The following OSTM1 variants were observed in gnomAD, a reference collection of about 807,000 sequenced individuals.
OSTM1 encodes the protein osteopetrosis-associated transmembrane protein 1.
In OSTM1, 26 loss-of-function variants were observed where a neutral mutation model predicts 35.4. The observed-to-expected ratio is 0.73, with a 90% CI of 0.54 to 1.02. The LOEUF (loss-of-function observed/expected upper bound fraction) is 1.02. OSTM1 is among the 50% of genes least tolerant of loss of function. The pLI is 0.00. For missense variants in OSTM1, 366 were observed against 409.6 expected (o/e 0.89, Z 0.92); for synonymous variants, 181 against 165.0 (o/e 1.10, Z -0.75).
chr6:108,073,410 G>A (rs1319083960), intron 1 of OSTM1, among the ~76,000 whole-genome samples: 5 of 152,158 alleles, frequency 3.3e-5, no homozygotes, highest in African/African-American at 9.7e-5. Flanking sequence ...GTACTTAGGA[G>A]CAGGAATTGT....
At chr6:108,067,087 T>C (rs1240577081) in intron 1 of OSTM1, among the ~76,000 whole-genome samples, 1 of 152,118 alleles carries the variant, frequency 6.6e-6, no homozygotes, top group Non-Finnish European at 1.5e-5. Context: ...AAATCCATAA[T>C]CCCAAACCGT....
At chr6:108,071,564 T>C (rs6920305) in intron 1 of OSTM1, among the ~76,000 whole-genome samples, 58,899 of 149,822 alleles carry the variant, frequency 0.39, 12,836 homozygotes, top group East Asian at 0.59. Context: ...CTGCCTGCCT[T>C]GGCCTCCCAA....
chr6:108,071,167 A>G (rs926848417), intron 1 of OSTM1, among the ~76,000 whole-genome samples: 14 of 151,832 alleles, frequency 9.2e-5, no homozygotes, highest in African/African-American at 3.1e-4. Context: ...CAGCCTGGGC[A>G]ACAGAGCAAG....
rs1160315706 is a variant in OSTM1 at position 108,042,453 on chromosome 6, T to C, written c.*2332A>G. On this transcript the variant is annotated 3_prime_UTR_variant, in exon 6 of 6. Coordinates refer to ENST00000193322, the MANE Select transcript of OSTM1 (RefSeq NM_014028.4). ...TTTTTTGAGACAAGGTCTGGCTCTG[T>C]CGCCCAGGTTGGAATGCAGTGGTAC... 1.3e-5 allele frequency: 2 copies of C among 148,368 alleles called. No homozygotes were observed. The highest frequency in any genetic ancestry group is 5.0e-5 in the African/African-American group (2 of 40,016). 9.2% of individuals were successfully genotyped at this position (148,368 alleles called of 1,614,324 possible). A position where few individuals can be genotyped will look rare whatever the true frequency, so the allele number is the denominator to read the frequency against.
chr6:108,049,516 T>C (rs1206501578), intron 4 of OSTM1, 98 bp from the exon 5 acceptor site: 7 of 1,575,640 alleles, frequency 4.4e-6, no homozygotes, highest in Admixed American at 1.7e-5. Flanking sequence ...ATCTAGAATT[T>C]AGACTCAATA....
intron 5 of OSTM1, among the ~76,000 whole-genome samples, chr6:108,046,646 G>C (rs1455411397): frequency 6.6e-6 from 1 of 152,080 alleles, no homozygotes; most frequent in African/African-American, 2.4e-5. Flanking sequence ...CGCCCGGCCT[G>C]TCTCTGGTTT....
Position 108,071,611 on chromosome 6 carries a change from C to G in OSTM1, c.402+2639G>C, listed in dbSNP as rs534394985. Among the ~76,000 whole-genome samples, 5 of 152,002 alleles carry G rather than the reference C, an allele frequency of 3.3e-5. No individual in the cohort carries two copies. In the East Asian group the frequency reaches 9.7e-4, roughly 29 times the overall value. ...TACAGACACGAGCCACCACACCTGG[C>G]CTCATAAGTTCATTATTATACATGA... On this transcript the variant is annotated intron_variant, in intron 1 of 5. Coordinates refer to ENST00000193322, the MANE Select transcript of OSTM1 (RefSeq NM_014028.4).
At chr6:108,073,367 A>C (rs1174393170) in intron 1 of OSTM1, among the ~76,000 whole-genome samples, 2 of 151,946 alleles carry the variant, frequency 1.3e-5, no homozygotes, top group African/African-American at 2.4e-5. Flanking sequence ...CAACCCTGAC[A>C]CTCTAATCTT....
intron 3 of OSTM1, among the ~76,000 whole-genome samples, chr6:108,054,187 T>C (rs1427819542): frequency 1.3e-5 from 2 of 152,214 alleles, no homozygotes; most frequent in African/African-American, 4.8e-5. Context: ...AACCATTGTG[T>C]TTTAATTAAA....
intron 2 of OSTM1, among the ~76,000 whole-genome samples, chr6:108,062,535 C>CTTTTTTTTTTTTTTT (rs780041339): frequency 9.2e-5 from 12 of 131,060 alleles, no homozygotes; most frequent in East Asian, 2.2e-4. Context: ...CTTTTCTTTT[C>CTTTTTTTTTTTTTTT]TTTTTTTTTT....
At chr6:108,069,159 A>G (rs930112886) in intron 1 of OSTM1, among the ~76,000 whole-genome samples, 9 of 152,346 alleles carry the variant, frequency 5.9e-5, no homozygotes, top group Admixed American at 4.6e-4. Flanking sequence ...CACTTATCAC[A>G]CATGAATTAA....
At chr6:108,064,749 T>C (rs1007202212) in intron 1 of OSTM1, among the ~76,000 whole-genome samples, 1 of 152,178 alleles carries the variant, frequency 6.6e-6, no homozygotes, top group Non-Finnish European at 1.5e-5. Flanking sequence ...CCTGAAGTTC[T>C]GAGGATATAA....
intron 2 of OSTM1, among the ~76,000 whole-genome samples, chr6:108,055,768 A>T (rs1772160574): frequency 6.6e-6 from 1 of 152,120 alleles, no homozygotes. Context: ...CTCAATTCAA[A>T]TTCATGTGTT....
intron 2 of OSTM1, among the ~76,000 whole-genome samples, chr6:108,063,687 C>T (rs1772328094): frequency 6.6e-6 from 1 of 152,226 alleles, no homozygotes; most frequent in African/African-American, 2.4e-5. Context: ...ACCCCGCCGC[C>T]TGCCACACAC....
intron 1 of OSTM1, among the ~76,000 whole-genome samples, chr6:108,071,460 ATTTTTTTTTTTT>A (rs545759140): frequency 2.9e-5 from 3 of 103,420 alleles, no homozygotes; most frequent in Non-Finnish European, 5.5e-5. Flanking sequence ...CACCCGGCTA[ATTTTTTTTTTTT>A]TTTTTTTTTT....
chr6:108,070,037 A>AT (rs369002554), intron 1 of OSTM1, among the ~76,000 whole-genome samples: 14 of 148,002 alleles, frequency 9.5e-5, no homozygotes, highest in Admixed American at 2.0e-4. Flanking sequence ...CTGTTCCGTC[A>AT]TTTTTTTTTT....
At chr6:108,052,231 G>T (rs949510115) in intron 3 of OSTM1, among the ~76,000 whole-genome samples, 1 of 152,032 alleles carries the variant, frequency 6.6e-6, no homozygotes, top group Non-Finnish European at 1.5e-5. Context: ...TCAGGAGATC[G>T]AGACCATCCT....
chr6:108,061,482 T>C (rs1050855320), intron 2 of OSTM1, among the ~76,000 whole-genome samples: 5 of 151,980 alleles, frequency 3.3e-5, no homozygotes, highest in African/African-American at 1.2e-4. Flanking sequence ...TTGTAGTTTT[T>C]TTTTTTTTTT....
intron 1 of OSTM1, among the ~76,000 whole-genome samples, chr6:108,064,617 C>T (rs1772345923): frequency 6.6e-6 from 1 of 152,112 alleles, no homozygotes; most frequent in Non-Finnish European, 1.5e-5. Context: ...TCCAAGTTCC[C>T]AAATCATTTG....
Sources: allele counts gnomAD v4.1 joint callset (sites outside exome capture counted in the v4.1 genomes callset), GRCh38; gene constraint gnomAD v4.1.1; transcripts MANE v1.5; gene names NCBI Gene and HGNC (gene_info 2026-07-23, HGNC 2026-07-21).